Variants in SPG7 observed in about 807,000 individuals in gnomAD.
SPG7 encodes SPG7 matrix AAA peptidase subunit, paraplegin.
A neutral mutation model predicts 81.9 loss-of-function variants in SPG7; 103 were observed. That is an observed-to-expected ratio of 1.26 (90% CI 1.07 to 1.48). The LOEUF (loss-of-function observed/expected upper bound fraction) is 1.48. SPG7 is among the 40% of genes most tolerant of loss of function. SPG7 has a pLI of 0.00. For missense variants in SPG7, 1,241 were observed against 1,087.3 expected (o/e 1.14, Z -1.99); for synonymous variants, 534 against 444.2 (o/e 1.20, Z -2.54).
At chr16:89,521,108 C>G (rs1007885787) in intron 3 of SPG7, 11 of 152,210 alleles carry the variant, frequency 7.2e-5, no homozygotes, top group Non-Finnish European at 1.3e-4. Flanking sequence ...GCTGGAAGAG[C>G]CTTCTCTGTG....
intron 12 of SPG7, chr16:89,549,963 T>A: frequency 4.8e-6 from 1 of 209,996 alleles, no homozygotes; most frequent in Non-Finnish European, 9.8e-6. Context: ...AGGAGCTATT[T>A]CGATGATTGC....
At chr16:89,544,205 C>A (rs2058535088) in intron 9 of SPG7, 2 of 268,982 alleles carry the variant, frequency 7.4e-6, no homozygotes, top group African/African-American at 2.2e-5. Context: ...AAACGTCAAG[C>A]CTGAAACCCA....
chr16:89,513,050 G>C lies in SPG7; in HGVS notation c.376+13G>C, dbSNP rs374394983. 4 of 1,595,740 alleles carry C rather than the reference G, an allele frequency of 2.5e-6. No homozygotes were observed. In the East Asian group the frequency reaches 9.1e-5, roughly 36 times the overall value. ...GAAGAGGACGAAGGTATATTCATCT[G>C]ATGTTCTTCAGTCAGTAGCTGCCTC... On this transcript the variant is annotated intron_variant, in intron 3 of 16. Transcript: ENST00000645818.
At chr16:89,552,840 C>T (rs1393025190) in intron 13 of SPG7, 139 bp from the exon 14 acceptor site, 8 of 783,002 alleles carry the variant, frequency 1.0e-5, no homozygotes, top group African/African-American at 1.7e-5. Context: ...TTAGGATCCC[C>T]TGTTGTTGTA....
chr16:89,541,356 G>A (rs1297162564), intron 9 of SPG7: 2 of 976,844 alleles, frequency 2.0e-6, no homozygotes, highest in East Asian at 1.1e-4. Context: ...AGTGAGAAGA[G>A]CCAGGCTTAG....
rs564855395 is a variant in SPG7 at position 89,531,333 on chromosome 16, G to C, written c.987+525G>C. ...AGCCCAGGAGTAGGAGATCAGCCTGGGCAACAGTGAGACCCTGTCTCTGCA... is the reference window on the plus strand; with the variant it reads ...AGCCCAGGAGTAGGAGATCAGCCTGCGCAACAGTGAGACCCTGTCTCTGCA... On this transcript the variant is annotated intron_variant, in intron 7 of 16. Transcript: ENST00000645818. 3 of 218,860 alleles carry C rather than the reference G, an allele frequency of 1.4e-5. No individual in the cohort carries two copies. In the East Asian group the frequency reaches 3.4e-4, roughly 25 times the overall value. The allele number at this position is 218,860 out of a possible 1,614,324, so 13.6% of individuals were successfully genotyped here. A position where few individuals can be genotyped will look rare whatever the true frequency, so the allele number is the denominator to read the frequency against.
At chr16:89,538,238 T>C (rs2058452332) in intron 9 of SPG7, 1 of 152,108 alleles carries the variant, frequency 6.6e-6, no homozygotes, top group Non-Finnish European at 1.5e-5. Flanking sequence ...CCTGGTGCGT[T>C]GAGACATCCC....
At chr16:89,540,176 T>C (rs112555073) in intron 9 of SPG7, 1 of 152,356 alleles carries the variant, frequency 6.6e-6, no homozygotes, top group African/African-American at 2.4e-5. Context: ...TTTACCAGAA[T>C]TGTTTCAGCT....
chr16:89,517,320 C>T (rs992499156), intron 3 of SPG7: 2 of 151,812 alleles, frequency 1.3e-5, no homozygotes, highest in African/African-American at 4.8e-5. Flanking sequence ...TGTCATGGTT[C>T]CTGGAAGGAA....
rs8059296 is a variant in SPG7 at position 89,557,685 on chromosome 16, C to T, written c.*592C>T. On this transcript the variant is annotated 3_prime_UTR_variant, in exon 17 of 17. Coordinates refer to ENST00000645818, the MANE Select transcript of SPG7 (RefSeq NM_003119.4). ...CTTCTTGCTGGTCTAGTCACGCATG[C>T]AGTGTTGGGGATGCCTTGGTTTTTA... 9.7e-3 allele frequency: 1,561 copies of T among 160,804 alleles called. 30 individuals are homozygous for T. Among genetic ancestry groups the T allele is most frequent in the African/African-American group, 0.036 (1,497 of 41,640 alleles). The allele number at this position is 160,804 out of a possible 1,614,324, so 10.0% of individuals were successfully genotyped here. A position where few individuals can be genotyped will look rare whatever the true frequency, so the allele number is the denominator to read the frequency against.
rs770339981 is a variant in SPG7, at chr16:89,529,536, G to T, written c.818G>T (p.Arg273Leu). ...VGLAILWYVF[R>L]LAGMTGREGG... ...CTGGCCATCCTGTGGTATGTTTTCC[G>T]TCTGGCCGGGATGACTGGAAGGGAA... is the stretch of plus-strand genomic sequence containing the variant. The change falls in exon 6 of 17, where the codon CGT becomes CTT. Residue 273 changes from arginine (R) to leucine (L), a missense_variant. Transcript: ENST00000645818. 2 of 1,613,900 alleles carry T rather than the reference G, an allele frequency of 1.2e-6. No individual in the cohort carries two copies. The highest frequency in any genetic ancestry group is 1.7e-5 in the Admixed American group (1 of 60,000).
At chr16:89,511,262 G>A (rs1475997638) in intron 2 of SPG7, among the ~76,000 whole-genome samples, 1 of 152,188 alleles carries the variant, frequency 6.6e-6, no homozygotes, top group Non-Finnish European at 1.5e-5. Context: ...GGCTACAGAT[G>A]TTTTATATCC....
intron 7 of SPG7, chr16:89,531,188 G>A (rs756998124): frequency 5.5e-5 from 20 of 362,600 alleles, no homozygotes; most frequent in Non-Finnish European, 9.7e-5. Context: ...CTGGTACGGT[G>A]GGTCGCACCT....
At chr16:89,510,617 C>A in intron 2 of SPG7, 25 bp downstream of exon 2, 1 of 1,343,836 alleles carries the variant, frequency 7.4e-7, no homozygotes, top group Non-Finnish European at 1.1e-6. Context: ...AAAGAAGCAG[C>A]TGAGCATGAC....
At chr16:89,529,318 A>G in intron 5 of SPG7, 159 bp from the exon 6 acceptor site, 1 of 674,434 alleles carries the variant, frequency 1.5e-6, no homozygotes, top group Middle Eastern at 3.9e-4. Flanking sequence ...GAGACGAGAG[A>G]ACCCATTTCC....
chr16:89,513,539 A>T (rs189031788), intron 3 of SPG7, among the ~76,000 whole-genome samples: 19 of 152,204 alleles, frequency 1.2e-4, no homozygotes, highest in African/African-American at 4.3e-4. Context: ...ATTTAAATTT[A>T]AATTTAAAAA....
intron 9 of SPG7, chr16:89,543,581 A>C (rs568471137): frequency 2.1e-5 from 3 of 141,012 alleles, no homozygotes; most frequent in African/African-American, 8.0e-5. Flanking sequence ...CAGGTGATCC[A>C]CCTGCCTCAG....
At chr16:89,527,416 G>T (rs781471578) in intron 5 of SPG7, 2 of 152,216 alleles carry the variant, frequency 1.3e-5, no homozygotes, top group Non-Finnish European at 2.9e-5. Flanking sequence ...GGCCAGCCTT[G>T]TGACAATAAC....
At chr16:89,531,876 T>C (rs376387153) in intron 7 of SPG7, 28 bp from the exon 8 acceptor site, 195 of 1,613,208 alleles carry the variant, frequency 1.2e-4, no homozygotes, top group Non-Finnish European at 1.6e-4. Flanking sequence ...CCCAAGTAGT[T>C]AGTGTTGCAT....
Sources: gnomAD v4.1 joint callset for allele counts (sites outside exome capture counted in the v4.1 genomes callset) on GRCh38, gnomAD v4.1.1 for gene constraint, MANE v1.5 for transcripts, NCBI Gene and HGNC (gene_info 2026-07-23, HGNC 2026-07-21) for gene names.